Variants in PARVA observed in about 807,000 individuals in gnomAD.
PARVA encodes the protein alpha-parvin.
Under a neutral mutation model 52.6 loss-of-function variants are expected in PARVA, and 25 were observed. The observed-to-expected ratio is 0.48, with a 90% confidence interval of 0.35 to 0.66. The LOEUF (loss-of-function observed/expected upper bound fraction) is 0.66, where lower values mean the gene tolerates loss of function less well. PARVA is among the 30% of genes least tolerant of loss of function. PARVA has a pLI of 0.01. For missense variants in PARVA, 373 were observed against 450.9 expected (o/e 0.83, Z 1.56); for synonymous variants, 185 against 179.1 (o/e 1.03, Z -0.26).
At position 12,530,012 on chromosome 11, in the gene PARVA, T is replaced by C. The variant is rs1276648132; in HGVS notation, c.*2087T>C. Reference sequence around the variant, plus strand: ...AGCAGGATGAAGTAAGAGGAATGCATTCATTTAAACATGCTTTGCTTTATG... The same window carrying C: ...AGCAGGATGAAGTAAGAGGAATGCACTCATTTAAACATGCTTTGCTTTATG... On this transcript the variant is annotated 3_prime_UTR_variant, in exon 13 of 13. Coordinates refer to ENST00000334956, the MANE Select transcript of PARVA (RefSeq NM_018222.5). 4 of 152,234 alleles carry C rather than the reference T, an allele frequency of 2.6e-5. No individual in the cohort carries two copies. 9.4% of individuals were successfully genotyped at this position (152,234 alleles called of 1,614,324 possible).
At chr11:12,500,652 G>A (rs1474258004) in intron 5 of PARVA, among the ~76,000 whole-genome samples, 5 of 151,528 alleles carry the variant, frequency 3.3e-5, no homozygotes, top group African/African-American at 7.3e-5. Context: ...TTAGCCCAGC[G>A]TGGTGGCAGG....
intron 1 of PARVA, among the ~76,000 whole-genome samples, chr11:12,418,553 T>C (rs1488482644): frequency 6.6e-6 from 1 of 152,180 alleles, no homozygotes; most frequent in Non-Finnish European, 1.5e-5. Flanking sequence ...TCAGCGTGCC[T>C]GCCACAGCCT....
At chr11:12,478,927 C>A in intron 4 of PARVA, 1 of 152,342 alleles carries the variant, frequency 6.6e-6, no homozygotes. Flanking sequence ...GGACAAAGTC[C>A]AAACCCCTTG....
intron 1 of PARVA, among the ~76,000 whole-genome samples, chr11:12,453,999 A>G (rs1252758881): frequency 1.3e-5 from 2 of 152,154 alleles, no homozygotes; most frequent in Non-Finnish European, 2.9e-5. Context: ...ATAAACCACA[A>G]ATCCACTCCT....
chr11:12,515,062 T>C (rs1941550985), intron 10 of PARVA, among the ~76,000 whole-genome samples: 2 of 152,238 alleles, frequency 1.3e-5, no homozygotes, highest in South Asian at 4.1e-4. Context: ...GGCTGTGTTC[T>C]TCCCGGGGCA....
At chr11:12,470,107 C>G (rs1589969741) in intron 1 of PARVA, among the ~76,000 whole-genome samples, 1 of 152,250 alleles carries the variant, frequency 6.6e-6, no homozygotes, top group Non-Finnish European at 1.5e-5. Flanking sequence ...TGCGCACACA[C>G]AGTCAGGCTA....
At chr11:12,511,420 G>A in intron 7 of PARVA, 94 bp from the exon 8 acceptor site, 1 of 1,364,366 alleles carries the variant, frequency 7.3e-7, no homozygotes, top group Non-Finnish European at 1.0e-6. Context: ...CATGGGGTGG[G>A]CTTCCAGCAG....
chr11:12,421,368 T>C (rs1940147056), intron 1 of PARVA, among the ~76,000 whole-genome samples: 1 of 152,204 alleles, frequency 6.6e-6, no homozygotes, highest in Admixed American at 6.5e-5. Context: ...TGGACTTTCC[T>C]AGAGAGAGTG....
At chr11:12,496,401 G>T in intron 4 of PARVA, 57 bp from the exon 5 acceptor site, 2 of 1,528,992 alleles carry the variant, frequency 1.3e-6, no homozygotes, top group Non-Finnish European at 8.9e-7. Context: ...AGTGCATGCA[G>T]TAGGGTTGTC....
At position 12,532,404 on chromosome 11, in the gene PARVA, G is replaced by C. The variant is rs1014192962; in HGVS notation, c.*4479G>C. On this transcript the variant is annotated 3_prime_UTR_variant, in exon 13 of 13. Transcript: ENST00000334956. Reference sequence around the variant, plus strand: ...GACTTTCTAAGGGAAGACGGGGTACGATGGGTCCCAATCTTGTTTGATCAC... The same window carrying C: ...GACTTTCTAAGGGAAGACGGGGTACCATGGGTCCCAATCTTGTTTGATCAC... Among the ~76,000 whole-genome samples the C allele has an allele frequency of 1.3e-5, 2 of 152,116 alleles. No individual in the cohort carries two copies. Among genetic ancestry groups the C allele is most frequent in the Admixed American group, 1.3e-4 (2 of 15,264 alleles).
chr11:12,490,575 A>G (rs1416118522), intron 4 of PARVA, among the ~76,000 whole-genome samples: 1 of 151,996 alleles, frequency 6.6e-6, no homozygotes, highest in African/African-American at 2.4e-5. Context: ...ACAAACTGAG[A>G]GGGTTTATTA....
chr11:12,419,214 C>T (rs1474241309), intron 1 of PARVA, among the ~76,000 whole-genome samples: 1 of 152,120 alleles, frequency 6.6e-6, no homozygotes, highest in East Asian at 1.9e-4. Context: ...TGTAACCAAC[C>T]TCCTAAACCC....
intron 1 of PARVA, among the ~76,000 whole-genome samples, chr11:12,422,965 G>A (rs1052035196): frequency 1.3e-5 from 2 of 151,848 alleles, no homozygotes; most frequent in Non-Finnish European, 2.9e-5. Context: ...AGCAATTCTC[G>A]CGCCTCAGCC....
At chr11:12,497,396 G>A (rs962668579) in intron 5 of PARVA, among the ~76,000 whole-genome samples, 6 of 152,036 alleles carry the variant, frequency 3.9e-5, no homozygotes, top group Admixed American at 1.3e-4. Flanking sequence ...ATGCTTTATT[G>A]CGTCTAACTT....
intron 4 of PARVA, among the ~76,000 whole-genome samples, chr11:12,490,913 T>C (rs1941226879): frequency 6.6e-6 from 1 of 152,120 alleles, no homozygotes; most frequent in South Asian, 2.1e-4. Context: ...TGATAAATTT[T>C]CTATCATAAA....
At chr11:12,502,104 T>A (rs1941370252) in intron 5 of PARVA, among the ~76,000 whole-genome samples, 1 of 152,044 alleles carries the variant, frequency 6.6e-6, no homozygotes. Flanking sequence ...AGGCTGTAAG[T>A]CTGGGTAAAA....
intron 4 of PARVA, among the ~76,000 whole-genome samples, chr11:12,488,079 A>C (rs1941185636): frequency 6.6e-6 from 1 of 152,224 alleles, no homozygotes; most frequent in Non-Finnish European, 1.5e-5. Flanking sequence ...CAGTCATTTC[A>C]AGTAAAATAG....
At chr11:12,518,871 C>T (rs1045158395) in intron 12 of PARVA, among the ~76,000 whole-genome samples, 1 of 152,232 alleles carries the variant, frequency 6.6e-6, no homozygotes, top group African/African-American at 2.4e-5. Context: ...GGTGAAGGTG[C>T]AGCGCAGACA....
chr11:12,378,331 T>G lies in PARVA; in HGVS notation c.136+548T>G, dbSNP rs866169425. Among the ~76,000 whole-genome samples, 27 of 152,236 alleles carry G rather than the reference T, an allele frequency of 1.8e-4. 1 individual carries two copies. In the Middle Eastern group the frequency reaches 0.01, roughly 58 times the overall value. On this transcript the variant is annotated intron_variant, in intron 1 of 12. Coordinates refer to ENST00000334956, the MANE Select transcript of PARVA (RefSeq NM_018222.5). ...TGGCCTCTTCGGGATCTTTTGTCCA[T>G]CCCGAGGGCTGAGAAGGGCTCTGTT...
Sources: gnomAD v4.1 joint callset for allele counts (sites outside exome capture counted in the v4.1 genomes callset) on GRCh38, gnomAD v4.1.1 for gene constraint, MANE v1.5 for transcripts, NCBI Gene and HGNC (gene_info 2026-07-23, HGNC 2026-07-21) for gene names.